Variants in SYNE1 observed in about 807,000 individuals in gnomAD.
SYNE1 encodes nesprin-1.
SYNE1 carries 616 observed loss-of-function variants against 1,111.0 expected under a neutral mutation model. That is an observed-to-expected ratio of 0.55 (90% CI 0.52 to 0.59). The LOEUF (loss-of-function observed/expected upper bound fraction) is 0.59, where lower values mean the gene tolerates loss of function less well. Ranked by LOEUF, SYNE1 falls within the 20% of genes least tolerant of loss-of-function variation. The pLI, the probability that SYNE1 is intolerant of heterozygous loss-of-function variation, is 0.00. For synonymous variants in SYNE1, 3,855 were observed against 3,825.8 expected (o/e 1.01, Z -0.28); for missense variants, 10,006 against 10,417.0 (o/e 0.96, Z 1.72).
chr6:152,327,480 T>G (rs987115738), intron 78 of SYNE1, among the ~76,000 whole-genome samples: 1 of 151,962 alleles, frequency 6.6e-6, no homozygotes, highest in Non-Finnish European at 1.5e-5. Context: ...TCCATTCAAT[T>G]CCAGAAGGAA....
chr6:152,417,521 C>CAAACAAAAA (rs139258214), intron 40 of SYNE1, among the ~76,000 whole-genome samples: 87 of 151,756 alleles, frequency 5.7e-4, no homozygotes, highest in African/African-American at 2.0e-3. Flanking sequence ...AACAAACAAA[C>CAAACAAAAA]AAACACAACT....
chr6:152,403,855 C>T (rs1371741291), intron 46 of SYNE1, among the ~76,000 whole-genome samples: 1 of 151,846 alleles, frequency 6.6e-6, no homozygotes, highest in African/African-American at 2.4e-5. Context: ...AAAGAACTAC[C>T]CTTATTATAA....
chr6:152,453,022 A>G lies in SYNE1; in HGVS notation c.3027+564T>C, dbSNP rs185219913. Among the ~76,000 whole-genome samples, 3 of 152,290 alleles carry G rather than the reference A, an allele frequency of 2.0e-5. No homozygotes were observed. The East Asian group carries it at 5.8e-4, about 29-fold the overall frequency. ...TCCCTCTTTCAAAGCTTTCATAAAT[A>G]TATGCACATTTGGATTTATCATATT... is the stretch of plus-strand genomic sequence containing the variant. On this transcript the variant is annotated intron_variant, in intron 25 of 145. Transcript: ENST00000367255.
Position 152,416,900 on chromosome 6 carries a change from G to A in SYNE1, c.5537C>T (p.Ala1846Val). The change falls in exon 41 of 146, where the codon GCT (alanine) becomes GTT (valine). Residue 1846 changes from alanine (A) to valine (V), a missense_variant. Physicochemically the swap from Ala to Val is moderately conservative, Grantham distance 64 (BLOSUM62 0). This residue lies in a region of SYNE1 where 4,955 missense variants were observed against 5,017.2 expected (regional missense o/e 0.99). Coordinates refer to ENST00000367255, the MANE Select transcript of SYNE1 (RefSeq NM_182961.4). ...AEDLHLLQGK[A>V]EDCFQLFEEA... ...CTCAAACAGCTGGAAGCAGTCCTCA[G>A]CCTTTCCCTGCAGGAGGTGGAGGTC... 1.2e-6 allele frequency: 2 copies of A among 1,614,052 alleles called. No homozygotes were observed. The highest frequency in any genetic ancestry group is 2.2e-5 in the East Asian group (1 of 44,862).
At chr6:152,275,893 A>C (rs1239822178) in intron 98 of SYNE1, among the ~76,000 whole-genome samples, 1 of 150,978 alleles carries the variant, frequency 6.6e-6, no homozygotes, top group African/African-American at 2.5e-5. Flanking sequence ...AAAAAAAAAA[A>C]CAAAAAAAAA....
At chr6:152,337,215 A>G (rs1408107188) in intron 75 of SYNE1, among the ~76,000 whole-genome samples, 198 bp from the exon 76 acceptor site, 1 of 152,170 alleles carries the variant, frequency 6.6e-6, no homozygotes, top group African/African-American at 2.4e-5. Context: ...TTTTAAAAAA[A>G]TGTAGGGTTC....
chr6:152,530,451 A>G (rs1449265581), intron 4 of SYNE1, among the ~76,000 whole-genome samples: 1 of 149,724 alleles, frequency 6.7e-6, no homozygotes, highest in Non-Finnish European at 1.5e-5. Flanking sequence ...ATATCTTCAG[A>G]AGAACCTAAT....
intron 3 of SYNE1, among the ~76,000 whole-genome samples, chr6:152,608,711 A>AAGT (rs2099622931): frequency 6.6e-6 from 1 of 152,214 alleles, no homozygotes; most frequent in African/African-American, 2.4e-5. Flanking sequence ...CAAGGCAGGC[A>AAGT]GATCATGAGG....
In SYNE1 at chr6:152,466,141, A is replaced by G. The variant is rs181538440; in HGVS notation, c.1633-63T>C. On this transcript the variant is annotated intron_variant, in intron 16 of 145. Transcript: ENST00000367255. ...AGGCTCATGTAGAATGCCAAAGTCA[A>G]TTTTCTTCAGTATAGCTATAAGCAC... The G allele has an allele frequency of 1.4e-4, 153 of 1,067,668 alleles. No individual in the cohort carries two copies. The African/African-American group carries it at 1.9e-3, about 13-fold the overall frequency. 66.1% of individuals were successfully genotyped at this position (1,067,668 alleles called of 1,614,324 possible). A position where few individuals can be genotyped will look rare whatever the true frequency, so the allele number is the denominator to read the frequency against.
At chr6:152,227,004 G>A (rs755779549) in intron 115 of SYNE1, among the ~76,000 whole-genome samples, 2 of 152,136 alleles carry the variant, frequency 1.3e-5, no homozygotes, top group African/African-American at 2.4e-5. Context: ...CACCTCAATT[G>A]TATAAAAAAT....
intron 124 of SYNE1, among the ~76,000 whole-genome samples, chr6:152,209,187 C>T (rs1344710688): frequency 6.6e-6 from 1 of 152,184 alleles, no homozygotes. Context: ...CTCAGATATA[C>T]TATCCTCTTC....
At chr6:152,389,020 C>A (rs17082569) in intron 53 of SYNE1, among the ~76,000 whole-genome samples, 2,021 of 152,130 alleles carry the variant, frequency 0.013, 53 homozygotes, top group African/African-American at 0.046. Context: ...ATGCAAAATC[C>A]TGCTGACTTT....
At chr6:152,550,374 A>C (rs6916221) in intron 3 of SYNE1, among the ~76,000 whole-genome samples, 50,294 of 151,904 alleles carry the variant, frequency 0.33, 8,694 homozygotes, top group East Asian at 0.45. Flanking sequence ...AGCAAAATCT[A>C]TTTTTTAAAA....
At position 152,628,272 on chromosome 6, in the gene SYNE1, C is replaced by G; in HGVS notation, c.60G>C (p.Arg20Ser). 1 of 1,614,140 alleles carries G rather than the reference C, an allele frequency of 6.2e-7. No individual in the cohort carries two copies. The highest frequency in any genetic ancestry group is 8.5e-7 in the Non-Finnish European group (1 of 1,180,028). Residue 20 changes from arginine (R) to serine (S), a missense_variant, in exon 3 of 146, where the codon AGG becomes AGC. Physicochemically the swap from Arg to Ser is moderately radical, Grantham distance 110. This residue lies in a region of SYNE1 where 1,971 missense variants were observed against 2,084.1 expected (regional missense o/e 0.95). Coordinates refer to ENST00000367255, the MANE Select transcript of SYNE1 (RefSeq NM_182961.4). ...GAAATTTCTTCCCCCTACCTTGCAG[C>G]CTCTGCATCACATTGGCGATATCCC... ...CPRDIANVMQ[R>S]LQDEQEIVQK... is the part of the protein sequence containing the mutation.
At chr6:152,473,610 A>G (rs2098819006) in intron 14 of SYNE1, among the ~76,000 whole-genome samples, 1 of 152,160 alleles carries the variant, frequency 6.6e-6, no homozygotes, top group Non-Finnish European at 1.5e-5. Flanking sequence ...AAGGGAGGGT[A>G]TTATGTGAAG....
chr6:152,312,365 A>G, intron 87 of SYNE1, among the ~76,000 whole-genome samples: 1 of 150,732 alleles, frequency 6.6e-6, no homozygotes, highest in Non-Finnish European at 1.5e-5. Context: ...ATGAGCCGCC[A>G]CGCCCAGCTA....
intron 11 of SYNE1, 41 bp downstream of exon 11, chr6:152,498,701 G>GC (rs2099012612): frequency 9.4e-6 from 13 of 1,382,932 alleles, no homozygotes; most frequent in Non-Finnish European, 1.3e-5. Flanking sequence ...AATGCAGGAT[G>GC]TTTGAAAGAG....
At position 152,318,268 on chromosome 6, in the gene SYNE1, A is replaced by T. The variant is rs1482954159; in HGVS notation, c.16390-5T>A. The T allele has an allele frequency of 6.2e-7, 1 of 1,614,140 alleles. No individual in the cohort carries two copies. Among genetic ancestry groups the T allele is most frequent in the South Asian group, 1.1e-5 (1 of 91,088 alleles). On this transcript the variant is annotated splice_polypyrimidine_tract_variant and splice_region_variant and intron_variant, in intron 85 of 145. Transcript: ENST00000367255. ...ATCTAATTCCTCTCCCAGCACCTTG[A>T]TGGTCACCAAAATGAAAGAACATTA...
intron 106 of SYNE1, among the ~76,000 whole-genome samples, chr6:152,243,242 T>C (rs921407943): frequency 4.6e-5 from 7 of 152,206 alleles, no homozygotes; most frequent in Admixed American, 2.0e-4. Flanking sequence ...CAATTGAATA[T>C]AATATCCTTA....
Sources: gnomAD v4.1 joint callset for allele counts (sites outside exome capture counted in the v4.1 genomes callset) on GRCh38, gnomAD v4.1.1 for gene constraint, gnomAD v4.1.1 regional missense constraint, MANE v1.5 for transcripts, NCBI Gene and HGNC (gene_info 2026-07-23, HGNC 2026-07-21) for gene names.